Variants in SMC1A observed in about 807,000 individuals in gnomAD.
SMC1A encodes structural maintenance of chromosomes protein 1A.
Under a neutral mutation model 94.5 loss-of-function variants are expected in SMC1A, and 4 were observed. The observed-to-expected ratio is 0.04, with a 90% CI of 0.02 to 0.10. SMC1A has a LOEUF of 0.10. Among genes scored for constraint, SMC1A ranks in the 10% least tolerant of loss-of-function variants. SMC1A has a pLI of 1.00. For synonymous variants in SMC1A, 345 were observed against 347.7 expected, an observed-to-expected ratio of 0.99 and a Z score of 0.09; for missense variants, 304 against 989.0, an observed-to-expected ratio of 0.31 and a Z score of 9.29.
chrX:53,384,444 T>C (rs1346797885), intron 19 of SMC1A, among the ~76,000 whole-genome samples: 2 of 109,602 alleles, frequency 1.8e-5, no homozygotes, highest in African/African-American at 6.6e-5. Context: ...TTGTATTTTT[T>C]GTAGAGACAG....
chrX:53,409,516 C>A lies in SMC1A; in HGVS notation c.1255-13G>T. On this transcript the variant is annotated splice_polypyrimidine_tract_variant and intron_variant, in intron 7 of 24. Transcript: ENST00000322213. ...GCTTGATCTTGGCCTGGGAAACAAA[C>A]ATTCCATCATCAGGGGCTGCACGAG... 8.4e-7 allele frequency: 1 copy of A among 1,193,696 alleles called. No individual in the cohort carries two copies. Among genetic ancestry groups the A allele is most frequent in the Non-Finnish European group, 1.1e-6 (1 of 879,184 alleles).
intron 9 of SMC1A, 85 bp from the exon 10 acceptor site, chrX:53,406,041 A>G: frequency 1.1e-6 from 1 of 875,732 alleles, no homozygotes; most frequent in Non-Finnish European, 1.7e-6. Flanking sequence ...GGAAAGGGGG[A>G]CAGACTAGAA....
chrX:53,413,031 T>C lies in SMC1A; in HGVS notation c.723A>G (p.Glu241=). The C allele has an allele frequency of 8.3e-7, 1 of 1,211,495 alleles. No homozygotes were observed. Among genetic ancestry groups the C allele is most frequent in the Non-Finnish European group, 1.1e-6 (1 of 895,240 alleles). The change falls in exon 5 of 25, where the codon GAA becomes GAG. Residue 241 remains glutamate, a synonymous_variant. Coordinates refer to ENST00000322213, the MANE Select transcript of SMC1A (RefSeq NM_006306.4). ...NEVEIEKLNK[E]LASKNKEIEK... is the part of the protein sequence containing the mutation. ...CGATCTCCTTGTTCTTTGAGGCCAG[T>C]TCCTTGTTGAGCTTCTCAATTTCCA...
chrX:53,412,639 A>G (rs1290333614), intron 5 of SMC1A, among the ~76,000 whole-genome samples: 1 of 111,878 alleles, frequency 8.9e-6, no homozygotes, highest in African/African-American at 3.2e-5. Context: ...TCGGCCTCAC[A>G]TTGGTTCCTC....
intron 15 of SMC1A, among the ~76,000 whole-genome samples, chrX:53,401,401 A>G (rs1163531124): frequency 8.9e-6 from 1 of 112,458 alleles, no homozygotes; most frequent in Admixed American, 9.5e-5. Flanking sequence ...TTAAAAATGC[A>G]TATCCTTGTA....
rs782405904 is a variant in SMC1A at position 53,394,992 on chromosome X, G to A, written c.2863-104C>T. On this transcript the variant is annotated intron_variant, in intron 18 of 24. Transcript: ENST00000322213. Reference sequence around the variant, plus strand: ...CAATCTTTGAGAAAGCACCTTGCTAGAAAGCACCATGGCAGAAGGAACAGA... The same window carrying A: ...CAATCTTTGAGAAAGCACCTTGCTAAAAAGCACCATGGCAGAAGGAACAGA... The A allele has an allele frequency of 4.3e-5, 23 of 539,638 alleles. No homozygotes were observed. In the East Asian group the frequency reaches 7.8e-4, roughly 18 times the overall value. 44.5% of individuals were successfully genotyped at this position (539,638 alleles called of 1,213,427 possible).
chrX:53,408,317 C>T (rs782141836), intron 9 of SMC1A, among the ~76,000 whole-genome samples: 9 of 111,244 alleles, frequency 8.1e-5, no homozygotes, highest in African/African-American at 2.0e-4. Flanking sequence ...GGCGACAGAG[C>T]GAGACTCCAT....
Position 53,375,603 on chromosome X carries a change from TGAATGAATCAATGGCTTGTG to T in SMC1A, c.*4480_*4499del, listed in dbSNP as rs2075556930. The T allele has an allele frequency of 2.8e-5, 3 of 107,101 alleles. No individual in the cohort carries two copies. The Admixed American group carries it at 3.0e-4, about 11-fold the overall frequency. 8.8% of individuals were successfully genotyped at this position (107,101 alleles called of 1,213,427 possible). On this transcript the variant is annotated 3_prime_UTR_variant, in exon 25 of 25. Coordinates refer to ENST00000322213, the MANE Select transcript of SMC1A (RefSeq NM_006306.4). ...CTTAGCCAAGATTTATTGAACTGGA[TGAATGAATCAATGGCTTGTG>T]GAGGGGTGGGGAGTGGGGGGGCAGT...
At chrX:53,389,854 T>C in intron 19 of SMC1A, among the ~76,000 whole-genome samples, 1 of 90,071 alleles carries the variant, frequency 1.1e-5, no homozygotes, top group South Asian at 6.1e-4. Flanking sequence ...TTTTTTTTTT[T>C]TTTTTTTTTT....
At chrX:53,380,858 G>C in intron 23 of SMC1A, 128 bp from the exon 24 acceptor site, 1 of 626,997 alleles carries the variant, frequency 1.6e-6, no homozygotes, top group African/African-American at 2.2e-5. Flanking sequence ...GAGGTTGAGA[G>C]GAGACTACTG....
intron 15 of SMC1A, among the ~76,000 whole-genome samples, chrX:53,401,793 A>C (rs1335502502): frequency 9.0e-6 from 1 of 111,062 alleles, no homozygotes; most frequent in Non-Finnish European, 1.9e-5. Flanking sequence ...ATTTCCACCT[A>C]ATACTGTCAG....
At chrX:53,415,193 TAG>T in intron 1 of SMC1A, 24 bp from the exon 2 acceptor site, 1 of 1,165,866 alleles carries the variant, frequency 8.6e-7, no homozygotes, top group African/African-American at 1.8e-5. Flanking sequence ...GACGAGGCAG[TAG>T]AGGGAAAGTC....
In SMC1A at chrX:53,396,390, G is replaced by T. The variant is rs2083250975; in HGVS notation, c.2709-10C>A. On this transcript the variant is annotated splice_polypyrimidine_tract_variant and intron_variant, in intron 17 of 24. Coordinates refer to ENST00000322213, the MANE Select transcript of SMC1A (RefSeq NM_006306.4). ...TAAATGGGTCATTTCCCTAAAAAAGGTCCAGGGGCTAGGTGAGACCCAAAT... is the reference window on the plus strand; with the variant it reads ...TAAATGGGTCATTTCCCTAAAAAAGTTCCAGGGGCTAGGTGAGACCCAAAT... 8.3e-7 allele frequency: 1 copy of T among 1,209,276 alleles called. No individual in the cohort carries two copies. Among genetic ancestry groups the T allele is most frequent in the Non-Finnish European group, 1.1e-6 (1 of 895,052 alleles).
chrX:53,384,354 C>T (rs1471612698), intron 19 of SMC1A, among the ~76,000 whole-genome samples: 1 of 108,148 alleles, frequency 9.2e-6, no homozygotes, highest in African/African-American at 3.4e-5. Flanking sequence ...AGCTCCACTT[C>T]CCAGGCTCAA....
intron 19 of SMC1A, among the ~76,000 whole-genome samples, chrX:53,385,023 TTGTG>T (rs2075599312): frequency 9.2e-6 from 1 of 108,732 alleles, no homozygotes; most frequent in Non-Finnish European, 1.9e-5. Flanking sequence ...GTAGTAGCAA[TTGTG>T]TGTGTATGTG....
At chrX:53,394,731 T>TTCCCCC in intron 19 of SMC1A, 47 bp downstream of exon 19, 4 of 416,216 alleles carry the variant, frequency 9.6e-6, no homozygotes, top group Non-Finnish European at 1.8e-5. Flanking sequence ...ATAGTCCCAC[T>TTCCCCC]CCCACCCAAC....
At position 53,383,266 on chromosome X, in the gene SMC1A, G is replaced by C; in HGVS notation, c.2974-13C>G. ...CAGCCTGGGCATCCTGTAAGCCCCA[G>C]GCCCAGCAATGTCAAGAAGGGCCTG... On this transcript the variant is annotated splice_polypyrimidine_tract_variant and intron_variant, in intron 19 of 24. Coordinates refer to ENST00000322213, the MANE Select transcript of SMC1A (RefSeq NM_006306.4). The C allele has an allele frequency of 1.7e-6, 2 of 1,165,947 alleles. No homozygotes were observed. Among genetic ancestry groups the C allele is most frequent in the Non-Finnish European group, 2.3e-6 (2 of 872,562 alleles).
chrX:53,419,748 C>T (rs1264010), intron 1 of SMC1A, among the ~76,000 whole-genome samples: 45,510 of 104,593 alleles, frequency 0.44, 9,241 homozygotes, highest in Non-Finnish European at 0.59. Context: ...AGCTTGAACC[C>T]GGGAGGCAGA....
chrX:53,400,014 G>A (rs2075665441), intron 15 of SMC1A, among the ~76,000 whole-genome samples: 1 of 111,241 alleles, frequency 9.0e-6, no homozygotes, highest in Non-Finnish European at 1.9e-5. Context: ...AGACCCCAGC[G>A]CCCTCCAAGT....
Sources: gnomAD v4.1 joint callset for allele counts (sites outside exome capture counted in the v4.1 genomes callset) on GRCh38, gnomAD v4.1.1 for gene constraint, MANE v1.5 for transcripts, NCBI Gene and HGNC (gene_info 2026-07-23, HGNC 2026-07-21) for gene names.